Variants in MAF observed in about 807,000 individuals in gnomAD.
MAF encodes transcription factor Maf.
A neutral mutation model predicts 22.0 loss-of-function variants in MAF; 10 were observed. That is an observed-to-expected ratio of 0.45 (90% CI 0.28 to 0.77). MAF has a LOEUF of 0.77. MAF is among the 30% of genes least tolerant of loss of function. MAF has a pLI of 0.12. For synonymous variants in MAF, 337 were observed against 255.8 expected, an observed-to-expected ratio of 1.32 and a Z score of -3.03; for missense variants, 544 against 548.4, an observed-to-expected ratio of 0.99 and a Z score of 0.08.
At chr16:79,387,940 G>T in the MAF span, among the ~76,000 whole-genome samples, 42,522 of 152,122 alleles carry the variant, frequency 0.28, 6,732 homozygotes, top group East Asian at 0.53. Context: ...TGAGTTCATA[G>T]TAGGTTGTGA....
chr16:79,467,014 C>G, the MAF span, among the ~76,000 whole-genome samples: 45 of 152,294 alleles, frequency 3.0e-4, no homozygotes, highest in South Asian at 9.3e-3. Context: ...CTGGCCGCCT[C>G]CAAGCCATGC....
chr16:79,437,138 C>CTGTGTGTGTGTGTG, the MAF span, among the ~76,000 whole-genome samples: 1 of 21,706 alleles, frequency 4.6e-5, no homozygotes, highest in African/African-American at 1.3e-4. Flanking sequence ...AGAAAGCTCT[C>CTGTGTGTGTGTGTG]TCTCTCTCTG....
chr16:79,538,286 C>T, the MAF span, among the ~76,000 whole-genome samples: 1 of 152,280 alleles, frequency 6.6e-6, no homozygotes, highest in Non-Finnish European at 1.5e-5. Context: ...AAGCACAGTA[C>T]AAGATGCATA....
At chr16:79,351,568 C>A in the MAF span, among the ~76,000 whole-genome samples, 1 of 152,066 alleles carries the variant, frequency 6.6e-6, no homozygotes. Flanking sequence ...CACAGAGACC[C>A]AGAATCTCAG....
chr16:79,600,187 G>A lies in MAF; in HGVS notation c.-285C>T. 1 of 372,688 alleles carries A rather than the reference G, an allele frequency of 2.7e-6. No individual in the cohort carries two copies. Among genetic ancestry groups the A allele is most frequent in the East Asian group, 4.8e-5 (1 of 20,916 alleles). The allele number at this position is 372,688 out of a possible 1,614,324, so 23.1% of individuals were successfully genotyped here. On this transcript the variant is annotated 5_prime_UTR_variant, in exon 1 of 2. Coordinates refer to ENST00000326043, the MANE Select transcript of MAF (RefSeq NM_005360.5). ...GCTCGCTCGCCTCCTTGCGCGCCGA[G>A]CCGGCGGCTTCAGGCTCGGGAAGAT...
the MAF span, among the ~76,000 whole-genome samples, chr16:79,416,859 G>A: frequency 6.6e-5 from 10 of 152,156 alleles, no homozygotes; most frequent in Non-Finnish European, 1.2e-4. Flanking sequence ...ACAATGAAGT[G>A]TTATATAGTT....
chr16:79,238,085 G>C, the MAF span, among the ~76,000 whole-genome samples: 1 of 151,958 alleles, frequency 6.6e-6, no homozygotes, highest in African/African-American at 2.4e-5. Context: ...TTTTTTGTCA[G>C]GCTTTGACCT....
At chr16:79,537,521 C>G in the MAF span, among the ~76,000 whole-genome samples, 1 of 152,184 alleles carries the variant, frequency 6.6e-6, no homozygotes. Context: ...GTCTTCAAGC[C>G]TAGACTCATG....
the MAF span, chr16:79,206,637 G>A: frequency 5.3e-5 from 8 of 152,148 alleles, no homozygotes; most frequent in African/African-American, 1.9e-4. Context: ...CAGTTTGCAG[G>A]GCTGAGGACT....
chr16:79,227,376 C>T, the MAF span, among the ~76,000 whole-genome samples: 2 of 152,016 alleles, frequency 1.3e-5, no homozygotes, highest in Admixed American at 6.6e-5. Context: ...CAAAACAAAA[C>T]AACTGGCTGG....
chr16:79,212,494 G>C, the MAF span: 3 of 218,524 alleles, frequency 1.4e-5, no homozygotes, highest in Non-Finnish European at 2.8e-5. Context: ...AAGGCAGGAA[G>C]GGAAGCGTAT....
chr16:79,592,019 T>C (rs955707777), downstream of MAF, among the ~76,000 whole-genome samples: 1 of 152,242 alleles, frequency 6.6e-6, no homozygotes, highest in Admixed American at 6.5e-5. Context: ...ACATGCACAC[T>C]AGGTCTGACG....
chr16:79,382,388 G>A, the MAF span, among the ~76,000 whole-genome samples: 1 of 152,180 alleles, frequency 6.6e-6, no homozygotes, highest in Non-Finnish European at 1.5e-5. Context: ...CTTTCTGGAA[G>A]GATGGAAAAG....
At chr16:79,420,120 G>A in the MAF span, among the ~76,000 whole-genome samples, 37 of 152,064 alleles carry the variant, frequency 2.4e-4, no homozygotes, top group African/African-American at 5.8e-4. Context: ...CCAATAACAC[G>A]CCTGTGGATT....
chr16:79,345,847 G>T, the MAF span, among the ~76,000 whole-genome samples: 1 of 150,506 alleles, frequency 6.6e-6, no homozygotes, highest in Non-Finnish European at 1.5e-5. Context: ...GGAGATTTAG[G>T]TTGCTTTGAT....
the MAF span, among the ~76,000 whole-genome samples, chr16:79,465,029 A>C: frequency 3.3e-3 from 510 of 152,316 alleles, no homozygotes; most frequent in African/African-American, 0.011. Flanking sequence ...AGTCATCCAG[A>C]TCTCAAACAT....
the MAF span, among the ~76,000 whole-genome samples, chr16:79,544,918 G>A: frequency 6.6e-6 from 1 of 152,156 alleles, no homozygotes; most frequent in East Asian, 1.9e-4. Flanking sequence ...ACGAGGGACT[G>A]ATCCTTAGAC....
At chr16:79,449,259 C>T in the MAF span, among the ~76,000 whole-genome samples, 1 of 152,218 alleles carries the variant, frequency 6.6e-6, no homozygotes, top group African/African-American at 2.4e-5. Flanking sequence ...CCCACTTGCC[C>T]TCTTGATGCG....
At chr16:79,565,437 G>A in the MAF span, among the ~76,000 whole-genome samples, 2 of 152,106 alleles carry the variant, frequency 1.3e-5, no homozygotes, top group Admixed American at 6.6e-5. Context: ...TTCACTCAGT[G>A]ATATGGTTTC....
Sources: gnomAD v4.1 joint callset for allele counts (sites outside exome capture counted in the v4.1 genomes callset) on GRCh38, gnomAD v4.1.1 for gene constraint, MANE v1.5 for transcripts, NCBI Gene and HGNC (gene_info 2026-07-23, HGNC 2026-07-21) for gene names.